The following ANKRD30A variants were observed in gnomAD, a reference collection of about 807,000 sequenced individuals.
The protein encoded by ANKRD30A is ankyrin repeat domain 30A, also known as ankyrin repeat domain-containing protein 30A.
A neutral mutation model predicts 166.3 loss-of-function variants in ANKRD30A; 170 were observed. The observed-to-expected ratio is 1.02, with a 90% CI of 0.90 to 1.16. The LOEUF is 1.16. ANKRD30A is among the 50% of genes most tolerant of loss of function. ANKRD30A has a pLI of 0.00. For synonymous variants in ANKRD30A, 564 were observed against 508.9 expected (o/e 1.11, Z -1.46); for missense variants, 1,630 against 1,518.0 (o/e 1.07, Z -1.23).
chr10:37,136,656 C>A lies in ANKRD30A; in HGVS notation c.805C>A (p.Gln269Lys), dbSNP rs1435688063. The A allele has an allele frequency of 1.4e-6, 2 of 1,419,176 alleles. No individual in the cohort carries two copies. The highest frequency in any genetic ancestry group is 1.9e-6 in the Non-Finnish European group (2 of 1,030,084). 87.9% of individuals were successfully genotyped at this position (1,419,176 alleles called of 1,614,324 possible). ...TATACGAAAATTATCTAAAAATCAT[C>A]AAAATACCAATCCAGGTAAGACTTC... is the stretch of plus-strand genomic sequence containing the variant. Reference protein sequence around the residue: ...EYIRKLSKNHQNTNPEGTSAG... With the variant: ...EYIRKLSKNHKNTNPEGTSAG... The change falls in exon 6 of 36, where the codon CAA becomes AAA. Residue 269 changes from glutamine to lysine, a missense_variant. By Grantham distance (53) the Gln-to-Lys change is moderately conservative (BLOSUM62 1). Transcript: ENST00000361713.
intron 34 of ANKRD30A, among the ~76,000 whole-genome samples, chr10:37,230,809 A>G (rs559035640): frequency 1.3e-5 from 2 of 152,080 alleles, no homozygotes; most frequent in Non-Finnish European, 2.9e-5. Flanking sequence ...GGGATGTACA[A>G]TTCACAAAAT....
At chr10:37,208,085 C>A (rs1027347140) in intron 31 of ANKRD30A, among the ~76,000 whole-genome samples, 1 of 152,022 alleles carries the variant, frequency 6.6e-6, no homozygotes, top group African/African-American at 2.4e-5. Flanking sequence ...AAAATTCATA[C>A]GAGCTCTTTA....
intron 6 of ANKRD30A, among the ~76,000 whole-genome samples, chr10:37,140,921 G>C (rs1015196935): frequency 2.0e-5 from 3 of 152,116 alleles, no homozygotes; most frequent in Non-Finnish European, 1.5e-5. Context: ...TCATAAAACA[G>C]TAGAGCTGTC....
At chr10:37,151,403 A>G (rs17605771) in intron 11 of ANKRD30A, among the ~76,000 whole-genome samples, 7 of 152,098 alleles carry the variant, frequency 4.6e-5, no homozygotes, top group African/African-American at 7.2e-5. Context: ...GGTGTCACAA[A>G]CTGACTCTGA....
chr10:37,167,795 C>A (rs1343690463), intron 19 of ANKRD30A, among the ~76,000 whole-genome samples: 90 of 149,554 alleles, frequency 6.0e-4, no homozygotes, highest in Middle Eastern at 3.4e-3. Flanking sequence ...CCAAGCTGAT[C>A]AATTCATAAC....
At chr10:37,152,217 T>C (rs1838002454) in intron 12 of ANKRD30A, 96 bp downstream of exon 12, 1 of 1,006,942 alleles carries the variant, frequency 9.9e-7, no homozygotes, top group Non-Finnish European at 1.5e-6. Flanking sequence ...CCTCTTCATA[T>C]GTCACCCCGA....
chr10:37,165,083 A>T lies in ANKRD30A; in HGVS notation c.2003-11A>T, dbSNP rs190511979. ...GTGCTCATGAATGTATCTGTGATTA[A>T]CCTTTTATAGATGAGATACTCCCAT... On this transcript the variant is annotated splice_polypyrimidine_tract_variant and intron_variant, in intron 17 of 35. Transcript: ENST00000361713. 865 of 1,604,632 alleles carry T rather than the reference A, an allele frequency of 5.4e-4. 4 individuals carry two copies. In the African/African-American group the frequency reaches 8.3e-3, roughly 15 times the overall value.
intron 11 of ANKRD30A, among the ~76,000 whole-genome samples, chr10:37,151,332 T>G (rs1042411404): frequency 6.6e-6 from 1 of 152,118 alleles, no homozygotes; most frequent in African/African-American, 2.4e-5. Context: ...CTATAACATG[T>G]GGGAACGTTA....
chr10:37,162,643 T>C lies in ANKRD30A; in HGVS notation c.1901-6T>C. The C allele has an allele frequency of 1.2e-6, 2 of 1,612,110 alleles. No individual in the cohort carries two copies. Among genetic ancestry groups the C allele is most frequent in the Non-Finnish European group, 8.5e-7 (1 of 1,179,744 alleles). ...TGATTGATGATAAATCTCTTTTGCT[T>C]TTTAGAGCCTCCGGGGAAGCCATCT... is the stretch of plus-strand genomic sequence containing the variant. On this transcript the variant is annotated splice_region_variant and splice_polypyrimidine_tract_variant and intron_variant, in intron 15 of 35. Transcript: ENST00000361713.
the ANKRD30A span, among the ~76,000 whole-genome samples, chr10:37,244,860 C>T: frequency 1.3e-5 from 2 of 152,120 alleles, no homozygotes; most frequent in Non-Finnish European, 2.9e-5. Flanking sequence ...GGTGGTGCTC[C>T]CACACTTAGG....
chr10:37,225,732 T>TA (rs1468742501), intron 34 of ANKRD30A, among the ~76,000 whole-genome samples: 2 of 151,910 alleles, frequency 1.3e-5, no homozygotes, highest in Non-Finnish European at 1.5e-5. Flanking sequence ...TGGCCAATGA[T>TA]ACAAAAGCAA....
At chr10:37,189,764 T>A (rs59244545) in intron 25 of ANKRD30A, among the ~76,000 whole-genome samples, 3,369 of 150,358 alleles carry the variant, frequency 0.022, 155 homozygotes, top group African/African-American at 0.079. Flanking sequence ...GAATTACTAG[T>A]TTAAATTCAA....
intron 27 of ANKRD30A, among the ~76,000 whole-genome samples, chr10:37,196,093 A>ATT (rs749036981): frequency 0.33 from 42,485 of 128,994 alleles, 7,134 homozygotes; most frequent in Non-Finnish European, 0.37. Context: ...TATATTTTCT[A>ATT]TTTTTTTTTT....
At chr10:37,143,353 C>G (rs1837287314) in intron 7 of ANKRD30A, among the ~76,000 whole-genome samples, 1 of 151,866 alleles carries the variant, frequency 6.6e-6, no homozygotes, top group Admixed American at 6.6e-5. Flanking sequence ...TGTAAAGTGA[C>G]AGATAGGGAA....
intron 35 of ANKRD30A, 62 bp from the exon 36 acceptor site, chr10:37,232,437 G>T (rs1331028256): frequency 6.6e-6 from 1 of 150,698 alleles, no homozygotes; most frequent in Non-Finnish European, 1.5e-5. Flanking sequence ...ATACGGCGAT[G>T]ATATTGAGTC....
Position 37,149,866 on chromosome 10 carries a change from A to AACT in ANKRD30A, c.1645+19_1645+21dup. ...TGAGAGCAGGTAAATTTTTCAATTT[A>AACT]ACTATGCAAAGACGAATATTTCAAT... On this transcript the variant is annotated intron_variant, in intron 11 of 35. Transcript: ENST00000361713. 6.2e-7 allele frequency: 1 copy of AACT among 1,612,176 alleles called. No individual in the cohort carries two copies. The highest frequency in any genetic ancestry group is 8.5e-7 in the Non-Finnish European group (1 of 1,178,732).
At chr10:37,165,278 T>C in intron 18 of ANKRD30A, 123 bp downstream of exon 18, 1 of 931,676 alleles carries the variant, frequency 1.1e-6, no homozygotes, top group Non-Finnish European at 1.6e-6. Context: ...TTTGATGTTT[T>C]TCAGTATATG....
Position 37,216,161 on chromosome 10 carries a change from G to A in ANKRD30A, c.2870-20G>A. The A allele has an allele frequency of 6.6e-7, 1 of 1,517,526 alleles. No individual in the cohort carries two copies. The highest frequency in any genetic ancestry group is 9.0e-7 in the Non-Finnish European group (1 of 1,112,102). The allele number at this position is 1,517,526 out of a possible 1,614,324, so 94.0% of individuals were successfully genotyped here. ...CCAAAAGTACTAATATATTTTATTTGTATCTCCTCCTTGAGACAGATTCAA... is the reference window on the plus strand; with the variant it reads ...CCAAAAGTACTAATATATTTTATTTATATCTCCTCCTTGAGACAGATTCAA... On this transcript the variant is annotated intron_variant, in intron 31 of 35. Coordinates refer to ENST00000361713, the MANE Select transcript of ANKRD30A (RefSeq NM_052997.3).
chr10:37,232,119 T>C (rs1564603673), intron 35 of ANKRD30A, among the ~76,000 whole-genome samples: 1 of 152,030 alleles, frequency 6.6e-6, no homozygotes, highest in Non-Finnish European at 1.5e-5. Flanking sequence ...ATCCAAACAC[T>C]TAATCACATG....
Sources: gnomAD v4.1 joint callset for allele counts (sites outside exome capture counted in the v4.1 genomes callset) on GRCh38, gnomAD v4.1.1 for gene constraint, MANE v1.5 for transcripts, NCBI Gene and HGNC (gene_info 2026-07-23, HGNC 2026-07-21) for gene names.